Variants in FBRSL1 observed in about 807,000 individuals in gnomAD.
The protein encoded by FBRSL1 is fibrosin like 1.
A neutral mutation model predicts 89.6 loss-of-function variants in FBRSL1; 51 were observed. The observed-to-expected ratio is 0.57, with a 90% CI of 0.45 to 0.72. FBRSL1 has a LOEUF of 0.72. Ranked by LOEUF, FBRSL1 falls within the 30% of genes least tolerant of loss-of-function variation. FBRSL1 has a pLI of 0.00. For missense variants in FBRSL1, 1,618 were observed against 1,451.8 expected, an observed-to-expected ratio of 1.11 and a Z score of -1.86; for synonymous variants, 779 against 681.1, an observed-to-expected ratio of 1.14 and a Z score of -2.24.
At chr12:132,525,419 G>A (rs1182511835) in intron 2 of FBRSL1, among the ~76,000 whole-genome samples, 3 of 152,206 alleles carry the variant, frequency 2.0e-5, no homozygotes, top group African/African-American at 4.8e-5. Context: ...AGCACGTGGC[G>A]GTTCTCGTGT....
rs1431933278 is a variant in FBRSL1 at position 132,508,152 on chromosome 12, G to A, written c.292-1G>A. On this transcript the variant is annotated splice_acceptor_variant, in intron 1 of 18. Coordinates refer to ENST00000680143, the MANE Select transcript of FBRSL1 (RefSeq NM_001367871.1). LOFTEE classifies it high-confidence loss of function. Reference sequence around the variant, plus strand: ...ACTGGCGTTTCCCTGTCTCCCTGCAGAAGGATATGGCCCTGAAGCCACATG... The same window carrying A: ...ACTGGCGTTTCCCTGTCTCCCTGCAAAAGGATATGGCCCTGAAGCCACATG... 6.4e-7 allele frequency: 1 copy of A among 1,551,004 alleles called. No individual in the cohort carries two copies. The highest frequency in any genetic ancestry group is 2.0e-5 in the Admixed American group (1 of 50,998).
At chr12:132,503,567 G>A (rs998939463) in intron 1 of FBRSL1, among the ~76,000 whole-genome samples, 2 of 152,252 alleles carry the variant, frequency 1.3e-5, no homozygotes, top group Non-Finnish European at 2.9e-5. Context: ...AGCTGGAGGG[G>A]TAATTAGACC....
intron 9 of FBRSL1, 28 bp from the exon 10 acceptor site, chr12:132,572,260 G>A: frequency 1.3e-6 from 2 of 1,549,054 alleles, no homozygotes; most frequent in African/African-American, 2.7e-5. Context: ...TGTGTGCGGG[G>A]CCTCACCCTC....
chr12:132,551,418 C>T (rs2038147182), intron 5 of FBRSL1: 1 of 456,200 alleles, frequency 2.2e-6, no homozygotes, highest in Non-Finnish European at 4.4e-6. Context: ...GTGCAGGGAA[C>T]AGCCCTGCCC....
At chr12:132,571,597 C>A in intron 9 of FBRSL1, 1 of 1,018,828 alleles carries the variant, frequency 9.8e-7, no homozygotes, top group African/African-American at 1.7e-5. Flanking sequence ...CACACACAGA[C>A]ACACGCTCGC....
chr12:132,567,704 G>A (rs1398354604), intron 6 of FBRSL1, among the ~76,000 whole-genome samples, 178 bp downstream of exon 6: 1 of 152,178 alleles, frequency 6.6e-6, no homozygotes, highest in African/African-American at 2.4e-5. Flanking sequence ...GCAGGGGAGA[G>A]TAGACGAAGC....
At position 132,583,444 on chromosome 12, in the gene FBRSL1, G is replaced by C; in HGVS notation, c.2675G>C (p.Gly892Ala). The change falls in exon 19 of 19, where the codon GGC becomes GCC. Residue 892 changes from glycine to alanine, a missense_variant. Coordinates refer to ENST00000680143, the MANE Select transcript of FBRSL1 (RefSeq NM_001367871.1). ...CCCTACCGCGACCGCGAGCCCCACG[G>C]CTACAGCCCCGAGCGCCTGCGCGGG... is the stretch of plus-strand genomic sequence containing the variant. ...ERPYRDREPH[G>A]YSPERLRGEL... 1 of 1,066,960 alleles carries C rather than the reference G, an allele frequency of 9.4e-7. No homozygotes were observed. Among genetic ancestry groups the C allele is most frequent in the Admixed American group, 5.7e-5 (1 of 17,532 alleles). The allele number at this position is 1,066,960 out of a possible 1,614,324, so 66.1% of individuals were successfully genotyped here.
chr12:132,507,261 C>T (rs1437971679), intron 1 of FBRSL1: 10 of 985,492 alleles, frequency 1.0e-5, no homozygotes, highest in Non-Finnish European at 1.2e-5. Flanking sequence ...GCTGTGCCCT[C>T]CCCGAGAGGA....
At position 132,584,720 on chromosome 12, in the gene FBRSL1, G is replaced by A. The variant is rs756016436; in HGVS notation, c.*942G>A. 3 of 152,480 alleles carry A rather than the reference G, an allele frequency of 2.0e-5. No individual in the cohort carries two copies. The highest frequency in any genetic ancestry group is 4.4e-5 in the Non-Finnish European group (3 of 68,240). The allele number at this position is 152,480 out of a possible 1,614,324, so 9.4% of individuals were successfully genotyped here. On this transcript the variant is annotated 3_prime_UTR_variant, in exon 19 of 19. Transcript: ENST00000680143. ...AGGACTGGCCGGCTCCAGCCGCAAG[G>A]GCGATGCTGTGGACGTTTGTGTGGA...
intron 2 of FBRSL1, chr12:132,510,298 G>A (rs2034188248): frequency 1.3e-5 from 16 of 1,230,350 alleles, no homozygotes; most frequent in African/African-American, 7.8e-5. Context: ...CAGCCGCGGC[G>A]GTCCCTATTG....
chr12:132,583,656 G>C lies in FBRSL1; in HGVS notation c.2887G>C (p.Ala963Pro), dbSNP rs1211047870. ...LGAPPPLVTA[A>P]GPPTPPGPPR... The stretch of plus-strand genomic sequence containing the variant: ...CGCACCGCCCCCCCTGGTGACGGCG[G>C]CCGGGCCCCCCACGCCCCCCGGGCC... Residue 963 changes from alanine (A) to proline (P), a missense_variant, in exon 19 of 19, where the codon GCC (alanine) becomes CCC (proline). By Grantham distance (27) the Ala-to-Pro change is conservative. Transcript: ENST00000680143. 1 of 1,051,538 alleles carries C rather than the reference G, an allele frequency of 9.5e-7. No homozygotes were observed. Among genetic ancestry groups the C allele is most frequent in the African/African-American group, 1.7e-5 (1 of 58,144 alleles). The allele number at this position is 1,051,538 out of a possible 1,614,324, so 65.1% of individuals were successfully genotyped here. A position where few individuals can be genotyped will look rare whatever the true frequency, so the allele number is the denominator to read the frequency against.
intron 5 of FBRSL1, among the ~76,000 whole-genome samples, chr12:132,550,388 A>G (rs2038055658): frequency 6.6e-6 from 1 of 152,154 alleles, no homozygotes; most frequent in Non-Finnish European, 1.5e-5. Context: ...GGCTGCGGCA[A>G]GGTCTGAGCG....
chr12:132,563,796 C>T (rs1274401142), intron 5 of FBRSL1, among the ~76,000 whole-genome samples: 1 of 64,660 alleles, frequency 1.5e-5, no homozygotes, highest in Non-Finnish European at 2.9e-5. Flanking sequence ...TGTACACTCA[C>T]CCCCGTCGCC....
At chr12:132,559,394 C>CT (rs1184754679) in intron 5 of FBRSL1, among the ~76,000 whole-genome samples, 2 of 152,138 alleles carry the variant, frequency 1.3e-5, no homozygotes, top group Non-Finnish European at 2.9e-5. Context: ...TGAGGTCGCT[C>CT]TTTTTTCCTT....
intron 1 of FBRSL1, chr12:132,507,378 G>A (rs1367544772): frequency 2.0e-6 from 2 of 985,380 alleles, no homozygotes; most frequent in Admixed American, 6.1e-5. Flanking sequence ...AGCTGAGCCA[G>A]CATACAGAAG....
At chr12:132,520,356 T>G (rs1033473240) in intron 2 of FBRSL1, among the ~76,000 whole-genome samples, 2 of 152,122 alleles carry the variant, frequency 1.3e-5, no homozygotes, top group African/African-American at 4.8e-5. Context: ...TCCCATCTCT[T>G]TCTTTGCAGA....
chr12:132,510,542 G>A (rs1224386569), intron 2 of FBRSL1: 10 of 1,231,176 alleles, frequency 8.1e-6, no homozygotes, highest in Middle Eastern at 3.1e-4. Flanking sequence ...ATTGCCCTTC[G>A]GGCTGGAGAT....
chr12:132,525,928 T>C (rs564364788), intron 3 of FBRSL1, 105 bp downstream of exon 3: 6 of 923,694 alleles, frequency 6.5e-6, no homozygotes, highest in Admixed American at 4.6e-5. Flanking sequence ...CTGCCCACTG[T>C]GCCCTGCACA....
chr12:132,518,865 C>G (rs1407311732), intron 2 of FBRSL1, among the ~76,000 whole-genome samples: 1 of 151,864 alleles, frequency 6.6e-6, no homozygotes, highest in African/African-American at 2.4e-5. Flanking sequence ...ATCCACCCAT[C>G]TGTCCATCCA....
Sources: gnomAD v4.1 joint callset for allele counts (sites outside exome capture counted in the v4.1 genomes callset) on GRCh38, gnomAD v4.1.1 for gene constraint, MANE v1.5 for transcripts, NCBI Gene and HGNC (gene_info 2026-07-23, HGNC 2026-07-21) for gene names.